The following ABTB2 variants were observed in gnomAD, a reference collection of about 807,000 sequenced individuals.
The protein encoded by ABTB2 is ankyrin repeat and BTB/POZ domain-containing protein 2.
A neutral mutation model predicts 104.1 loss-of-function variants in ABTB2; 56 were observed. The ratio of observed to expected loss-of-function variants is 0.54; its 90% confidence interval spans 0.43 to 0.67. ABTB2 has a LOEUF of 0.67. Ranked by LOEUF, ABTB2 falls within the 30% of genes least tolerant of loss-of-function variation. The probability of loss-of-function intolerance (pLI) is 0.00; values close to 1 mark genes in which losing one functional copy is unlikely to be tolerated. For synonymous variants in ABTB2, 606 were observed against 608.2 expected, an observed-to-expected ratio of 1.00 and a Z score of 0.05; for missense variants, 1,279 against 1,407.7, an observed-to-expected ratio of 0.91 and a Z score of 1.46.
intron 2 of ABTB2, among the ~76,000 whole-genome samples, chr11:34,200,463 C>T (rs1200802792): frequency 6.6e-6 from 1 of 152,140 alleles, no homozygotes; most frequent in African/African-American, 2.4e-5. Flanking sequence ...TCGATCCAAG[C>T]CCTGCTATGG....
intron 8 of ABTB2, among the ~76,000 whole-genome samples, chr11:34,165,047 C>A (rs1327337953): frequency 6.6e-6 from 1 of 152,234 alleles, no homozygotes; most frequent in Non-Finnish European, 1.5e-5. Context: ...AAGGGCCTCC[C>A]TGCCCTGCTG....
intron 2 of ABTB2, among the ~76,000 whole-genome samples, chr11:34,201,676 G>A (rs567020630): frequency 1.3e-5 from 2 of 152,254 alleles, no homozygotes; most frequent in African/African-American, 4.8e-5. Context: ...TTTAGTCTCA[G>A]GGAGAAAAAC....
intron 1 of ABTB2, among the ~76,000 whole-genome samples, chr11:34,272,284 TAGA>T (rs1173601576): frequency 3.1e-5 from 4 of 127,706 alleles, no homozygotes; most frequent in Non-Finnish European, 6.3e-5. Flanking sequence ...GAAATAATTA[TAGA>T]GTCACAGGAA....
intron 3 of ABTB2, among the ~76,000 whole-genome samples, chr11:34,191,748 G>A (rs530038569): frequency 5.3e-5 from 8 of 152,296 alleles, no homozygotes; most frequent in Admixed American, 2.0e-4. Context: ...ACCAATGGGG[G>A]CAGGACCTTC....
intron 3 of ABTB2, among the ~76,000 whole-genome samples, chr11:34,177,581 C>T (rs1210065848): frequency 6.6e-6 from 1 of 152,120 alleles, no homozygotes; most frequent in African/African-American, 2.4e-5. Flanking sequence ...CAGAACATTC[C>T]AGTCCAGTTT....
At chr11:34,351,737 T>C (rs1336112727) in intron 1 of ABTB2, among the ~76,000 whole-genome samples, 1 of 152,078 alleles carries the variant, frequency 6.6e-6, no homozygotes, top group Admixed American at 6.6e-5. Flanking sequence ...GCCTATGAAG[T>C]GCACAGTTTT....
At chr11:34,210,399 G>T (rs777274340) in intron 1 of ABTB2, among the ~76,000 whole-genome samples, 1 of 152,092 alleles carries the variant, frequency 6.6e-6, no homozygotes, top group Non-Finnish European at 1.5e-5. Context: ...ATTTCCTATG[G>T]TTTAATTTCC....
intron 1 of ABTB2, among the ~76,000 whole-genome samples, chr11:34,233,152 G>C (rs763519595): frequency 6.6e-6 from 1 of 152,042 alleles, no homozygotes; most frequent in Non-Finnish European, 1.5e-5. Flanking sequence ...AGTCCACCAC[G>C]GGAAGTTAGG....
At chr11:34,332,694 A>G (rs1855146584) in intron 1 of ABTB2, among the ~76,000 whole-genome samples, 1 of 152,116 alleles carries the variant, frequency 6.6e-6, no homozygotes, top group Admixed American at 6.5e-5. Context: ...CTGTCCAGCA[A>G]TGCCTCTGTT....
rs1174338250 is a variant in ABTB2, at chr11:34,172,370, TCAAAAA to T, written c.1397+779_1397+784del. 2.1e-3 allele frequency among the ~76,000 whole-genome samples: 74 copies of T among 34,932 alleles called. 3 individuals are homozygous for T. Among genetic ancestry groups the T allele is most frequent in the African/African-American group, 7.0e-3 (61 of 8,694 alleles). The allele number at this position is 34,932 out of a possible 152,430, so 22.9% of individuals were successfully genotyped here. The stretch of plus-strand genomic sequence containing the variant: ...CTGGGCAACAGAGTGAAACTCTGTC[TCAAAAA>T]AAAAAAAAAAAAAAAAAAAATATAT... On this transcript the variant is annotated intron_variant, in intron 4 of 16. Transcript: ENST00000435224.
At chr11:34,271,564 C>A (rs1854314003) in intron 1 of ABTB2, among the ~76,000 whole-genome samples, 1 of 152,122 alleles carries the variant, frequency 6.6e-6, no homozygotes, top group South Asian at 2.1e-4. Context: ...CACAGGGAGA[C>A]TCCACCTCTA....
intron 2 of ABTB2, among the ~76,000 whole-genome samples, chr11:34,198,211 G>C (rs1853287221): frequency 6.6e-6 from 1 of 152,246 alleles, no homozygotes; most frequent in Admixed American, 6.5e-5. Flanking sequence ...GATCACTTTA[G>C]GCCAGGAGTT....
chr11:34,317,440 T>C (rs537907930), intron 1 of ABTB2, among the ~76,000 whole-genome samples: 1 of 152,134 alleles, frequency 6.6e-6, no homozygotes, highest in African/African-American at 2.4e-5. Flanking sequence ...GCACTGGCAA[T>C]GAGAGTGCGA....
At chr11:34,194,897 T>A (rs1358729316) in intron 3 of ABTB2, among the ~76,000 whole-genome samples, 1 of 152,036 alleles carries the variant, frequency 6.6e-6, no homozygotes, top group Non-Finnish European at 1.5e-5. Flanking sequence ...GTGCGGTTTT[T>A]AAATAAATGG....
At chr11:34,198,471 T>G (rs956209446) in intron 2 of ABTB2, among the ~76,000 whole-genome samples, 1 of 150,980 alleles carries the variant, frequency 6.6e-6, no homozygotes, top group Non-Finnish European at 1.5e-5. Flanking sequence ...AAACAAAAAC[T>G]TGAGGCTTAT....
At chr11:34,205,073 T>C (rs1340075567) in intron 1 of ABTB2, among the ~76,000 whole-genome samples, 1 of 152,236 alleles carries the variant, frequency 6.6e-6, no homozygotes, top group East Asian at 1.9e-4. Context: ...GCTCGTTGAA[T>C]ATTTACAGAG....
In ABTB2 at chr11:34,357,596, G is replaced by C; in HGVS notation, c.-13C>G. 6.7e-7 allele frequency: 1 copy of C among 1,497,174 alleles called. No homozygotes were observed. The allele number at this position is 1,497,174 out of a possible 1,614,324, so 92.7% of individuals were successfully genotyped here. A position where few individuals can be genotyped will look rare whatever the true frequency, so the allele number is the denominator to read the frequency against. On this transcript the variant is annotated 5_prime_UTR_variant, in exon 1 of 17. Coordinates refer to ENST00000435224, the MANE Select transcript of ABTB2 (RefSeq NM_145804.3). Reference sequence around the variant, plus strand: ...ACGTCCCGGCCATGGGGAGCCTGCCGAGGGCGGCGTCGCCGAGCGAGGGGC... The same window carrying C: ...ACGTCCCGGCCATGGGGAGCCTGCCCAGGGCGGCGTCGCCGAGCGAGGGGC...
At chr11:34,198,888 G>C (rs12285910) in intron 2 of ABTB2, among the ~76,000 whole-genome samples, 1,675 of 152,232 alleles carry the variant, frequency 0.011, 28 homozygotes, top group African/African-American at 0.039. Flanking sequence ...CCATTCCTTA[G>C]AGAGAGCCCT....
Position 34,165,373 on chromosome 11 carries a change from G to C in ABTB2, c.1756-17C>G. On this transcript the variant is annotated splice_polypyrimidine_tract_variant and intron_variant, in intron 7 of 16. Transcript: ENST00000435224. ...CAGCAGCAACTGCCAGGGGCACAGAGGAGGAGGGCACTGCTCAGCGTGGCA... is the reference window on the plus strand; with the variant it reads ...CAGCAGCAACTGCCAGGGGCACAGACGAGGAGGGCACTGCTCAGCGTGGCA... 6.3e-7 allele frequency: 1 copy of C among 1,575,940 alleles called. No homozygotes were observed. Among genetic ancestry groups the C allele is most frequent in the Admixed American group, 1.8e-5 (1 of 54,548 alleles).
Sources: gnomAD v4.1 joint callset for allele counts (sites outside exome capture counted in the v4.1 genomes callset) on GRCh38, gnomAD v4.1.1 for gene constraint, MANE v1.5 for transcripts, NCBI Gene and HGNC (gene_info 2026-07-23, HGNC 2026-07-21) for gene names.